Variants in ADAM32 observed in about 807,000 individuals in gnomAD.
ADAM32 encodes the protein ADAM metallopeptidase domain 32, also known as disintegrin and metalloproteinase domain-containing protein 32.
ADAM32 carries 89 observed loss-of-function variants against 114.9 expected under a neutral mutation model. The observed-to-expected ratio is 0.77, with a 90% CI of 0.65 to 0.92. ADAM32 has a LOEUF of 0.92. ADAM32 is among the 40% of genes least tolerant of loss of function. ADAM32 has a pLI of 0.00. For synonymous variants in ADAM32, 285 were observed against 307.5 expected (o/e 0.93, Z 0.77); for missense variants, 870 against 932.8 (o/e 0.93, Z 0.88).
At chr8:39,228,435 A>G (rs71517753) in intron 14 of ADAM32, among the ~76,000 whole-genome samples, 22 of 152,220 alleles carry the variant, frequency 1.4e-4, no homozygotes, top group Non-Finnish European at 2.6e-4. Flanking sequence ...AAAAAATGAT[A>G]CAAGAAGTGA....
At chr8:39,237,024 C>T (rs1179471511) in intron 16 of ADAM32, among the ~76,000 whole-genome samples, 1 of 152,180 alleles carries the variant, frequency 6.6e-6, no homozygotes, top group African/African-American at 2.4e-5. Context: ...ACCCATAAAA[C>T]TGTAAATGCC....
At chr8:39,205,342 C>A (rs1311844008) in intron 11 of ADAM32, among the ~76,000 whole-genome samples, 2 of 152,254 alleles carry the variant, frequency 1.3e-5, no homozygotes, top group African/African-American at 2.4e-5. Flanking sequence ...GCCCCTCCCC[C>A]AGCCTCGCTG....
intron 10 of ADAM32, among the ~76,000 whole-genome samples, chr8:39,177,444 T>C (rs1447260306): frequency 6.6e-6 from 1 of 152,200 alleles, no homozygotes; most frequent in Non-Finnish European, 1.5e-5. Flanking sequence ...TTTGACTCTT[T>C]ATTCATCTTG....
chr8:39,157,712 C>T, intron 6 of ADAM32: 1 of 1,084,302 alleles, frequency 9.2e-7, no homozygotes, highest in Middle Eastern at 3.1e-4. Flanking sequence ...AGGATGAGCG[C>T]TTGCCTCTTA....
intron 10 of ADAM32, among the ~76,000 whole-genome samples, chr8:39,179,818 G>A (rs1236367497): frequency 6.6e-6 from 1 of 152,228 alleles, no homozygotes; most frequent in Non-Finnish European, 1.5e-5. Context: ...AGTTGAAAGT[G>A]TAGAATTTGC....
At chr8:39,220,725 A>G (rs1397595292) in intron 12 of ADAM32, among the ~76,000 whole-genome samples, 2 of 151,948 alleles carry the variant, frequency 1.3e-5, no homozygotes, top group Admixed American at 6.6e-5. Context: ...GTAGTTTTCT[A>G]AGTTCTTGTT....
intron 10 of ADAM32, among the ~76,000 whole-genome samples, chr8:39,181,435 A>T (rs1197302922): frequency 6.6e-6 from 1 of 151,856 alleles, no homozygotes; most frequent in Non-Finnish European, 1.5e-5. Context: ...GAAGGAACAA[A>T]CTCCAGACAC....
In ADAM32 at chr8:39,234,658, C is replaced by T. The variant is rs73606800; in HGVS notation, c.1818+576C>T. On this transcript the variant is annotated intron_variant, in intron 16 of 24. Coordinates refer to ENST00000379907, the MANE Select transcript of ADAM32 (RefSeq NM_145004.7). ...CCCAGAACATAGTAATAACTAAATACAGTTTGGCTATTATTGCCGATTGTT... is the reference window on the plus strand; with the variant it reads ...CCCAGAACATAGTAATAACTAAATATAGTTTGGCTATTATTGCCGATTGTT... Among the ~76,000 whole-genome samples, 550 of 152,274 alleles carry T rather than the reference C, an allele frequency of 3.6e-3. 1 individual carries two copies. Among genetic ancestry groups the T allele is most frequent in the African/African-American group, 0.013 (523 of 41,550 alleles).
chr8:39,138,700 C>G (rs184617163), intron 3 of ADAM32, among the ~76,000 whole-genome samples: 4 of 152,090 alleles, frequency 2.6e-5, no homozygotes, highest in Non-Finnish European at 4.4e-5. Context: ...GTAATGGGAT[C>G]GCTGGGTCAA....
chr8:39,154,560 T>C (rs1804027182), intron 6 of ADAM32, among the ~76,000 whole-genome samples: 1 of 152,220 alleles, frequency 6.6e-6, no homozygotes, highest in Admixed American at 6.5e-5. Flanking sequence ...TACCCAGGAA[T>C]GGGATTGCTG....
chr8:39,196,387 T>C (rs183968703), intron 11 of ADAM32, among the ~76,000 whole-genome samples: 1 of 152,148 alleles, frequency 6.6e-6, no homozygotes, highest in Non-Finnish European at 1.5e-5. Flanking sequence ...TTAAAAGTGG[T>C]GAAAGTGGTA....
intron 15 of ADAM32, 108 bp from the exon 16 acceptor site, chr8:39,233,791 A>G (rs1352860009): frequency 6.9e-6 from 5 of 720,684 alleles, no homozygotes; most frequent in Non-Finnish European, 1.0e-5. Flanking sequence ...CTGTAAGTAC[A>G]TTGCCATAAG....
intron 22 of ADAM32, among the ~76,000 whole-genome samples, chr8:39,278,309 G>GAAAAGGCAACAT (rs11271773): frequency 0.35 from 52,603 of 151,828 alleles, 11,048 homozygotes; most frequent in African/African-American, 0.6. Context: ...GGTGGTTTAG[G>GAAAAGGCAACAT]TTGAGCAGGA....
rs753543777 is a variant in ADAM32, at chr8:39,232,059, G to A, written c.1558G>A (p.Glu520Lys). 6.2e-7 allele frequency: 1 copy of A among 1,612,384 alleles called. No individual in the cohort carries two copies. The highest frequency in any genetic ancestry group is 2.2e-5 in the East Asian group (1 of 44,776). ...SRNAPFACYE[E>K]IQSQSDRFGN... ...AAATGCTCCATTTGCCTGCTATGAAGAAATACAATCTCAATCAGACAGATT... is the reference window on the plus strand; with the variant it reads ...AAATGCTCCATTTGCCTGCTATGAAAAAATACAATCTCAATCAGACAGATT... Residue 520 changes from glutamate (E) to lysine (K), a missense_variant, in exon 15 of 25, where the codon GAA becomes AAA. Glu to Lys is a moderately conservative substitution (Grantham distance 56, BLOSUM62 1). Transcript: ENST00000379907.
intron 2 of ADAM32, among the ~76,000 whole-genome samples, chr8:39,131,732 T>C (rs1802469049): frequency 6.6e-6 from 1 of 152,214 alleles, no homozygotes; most frequent in Admixed American, 6.5e-5. Flanking sequence ...TCTTTCTTTC[T>C]GATAATATTT....
chr8:39,140,576 C>T (rs1042272729), intron 3 of ADAM32, among the ~76,000 whole-genome samples: 18 of 152,040 alleles, frequency 1.2e-4, no homozygotes, highest in African/African-American at 3.1e-4. Flanking sequence ...TGAGGATTTT[C>T]GCATCGATGT....
intron 12 of ADAM32, among the ~76,000 whole-genome samples, chr8:39,216,276 T>G (rs1808561688): frequency 6.6e-6 from 1 of 152,034 alleles, no homozygotes; most frequent in South Asian, 2.1e-4. Flanking sequence ...TTATTTTCAG[T>G]CTGTGTATGC....
intron 10 of ADAM32, among the ~76,000 whole-genome samples, chr8:39,179,338 G>A (rs1243800386): frequency 6.6e-6 from 1 of 152,160 alleles, no homozygotes; most frequent in Non-Finnish European, 1.5e-5. Flanking sequence ...TGGCTGGCTC[G>A]AATTCCAAGC....
intron 1 of ADAM32, among the ~76,000 whole-genome samples, chr8:39,115,606 G>A (rs979241414): frequency 6.8e-6 from 1 of 146,470 alleles, no homozygotes; most frequent in Non-Finnish European, 1.5e-5. Flanking sequence ...TTTTTTGCTT[G>A]TTGAATTGTT....
Sources: gnomAD v4.1 joint callset for allele counts (sites outside exome capture counted in the v4.1 genomes callset) on GRCh38, gnomAD v4.1.1 for gene constraint, MANE v1.5 for transcripts, NCBI Gene and HGNC (gene_info 2026-07-23, HGNC 2026-07-21) for gene names.